FMNL3: variants seen among roughly 807,000 people sequenced by gnomAD.
FMNL3 encodes the protein formin-like protein 3.
Under a neutral mutation model 119.6 loss-of-function variants are expected in FMNL3, and 57 were observed. The ratio of observed to expected loss-of-function variants is 0.48; its 90% CI spans 0.39 to 0.59. The LOEUF (loss-of-function observed/expected upper bound fraction) is 0.59, where lower values mean the gene tolerates loss of function less well. FMNL3 is among the 20% of genes least tolerant of loss of function. FMNL3 has a pLI of 0.00. For missense variants in FMNL3, 1,053 were observed against 1,323.5 expected, an observed-to-expected ratio of 0.80 and a Z score of 3.17; for synonymous variants, 491 against 507.3, an observed-to-expected ratio of 0.97 and a Z score of 0.43.
At chr12:49,700,391 CAAAAAAA>C (rs11456820) in intron 1 of FMNL3, among the ~76,000 whole-genome samples, 79 of 56,446 alleles carry the variant, frequency 1.4e-3, no homozygotes, top group Admixed American at 3.0e-3. Flanking sequence ...GAATCCGTCT[CAAAAAAA>C]AAAAAAAAAA....
In FMNL3 at chr12:49,644,000, A is replaced by G; in HGVS notation, c.*1815T>C. On this transcript the variant is annotated 3_prime_UTR_variant, in exon 26 of 26. Coordinates refer to ENST00000335154, the MANE Select transcript of FMNL3 (RefSeq NM_175736.5). Reference sequence around the variant, plus strand: ...TCCCCAGGCTTTGGAATCAAGAAGGAGAAGGTGAGGGGCAGGGGCCCTAGG... The same window carrying G: ...TCCCCAGGCTTTGGAATCAAGAAGGGGAAGGTGAGGGGCAGGGGCCCTAGG... 6.2e-7 allele frequency: 1 copy of G among 1,614,146 alleles called. No individual in the cohort carries two copies. Among genetic ancestry groups the G allele is most frequent in the Non-Finnish European group, 8.5e-7 (1 of 1,180,010 alleles).
At chr12:49,654,363 A>T in intron 10 of FMNL3, 61 bp from the exon 11 acceptor site, 1 of 1,385,342 alleles carries the variant, frequency 7.2e-7, no homozygotes. Flanking sequence ...GCAAGAGACC[A>T]GGAGGATAGG....
At position 49,644,173 on chromosome 12, in the gene FMNL3, A is replaced by G. The variant is rs200466876; in HGVS notation, c.*1642T>C. 2.8e-5 allele frequency: 45 copies of G among 1,614,130 alleles called. No individual in the cohort carries two copies. The highest frequency in any genetic ancestry group is 2.5e-5 in the Non-Finnish European group (29 of 1,180,040). ...AGGCGGCGGCGGACACTCCTACAGCAGCTGGATGATCACCAGTGACCCAAT... is the reference window on the plus strand; with the variant it reads ...AGGCGGCGGCGGACACTCCTACAGCGGCTGGATGATCACCAGTGACCCAAT... On this transcript the variant is annotated 3_prime_UTR_variant, in exon 26 of 26. Transcript: ENST00000335154.
At chr12:49,648,168 C>G in intron 22 of FMNL3, 25 bp downstream of exon 22, 1 of 1,602,326 alleles carries the variant, frequency 6.2e-7, no homozygotes. Flanking sequence ...CCTGGTTGCT[C>G]CCACCGCCTG....
At chr12:49,686,576 TC>T (rs1383460603) in intron 1 of FMNL3, among the ~76,000 whole-genome samples, 6 of 83,320 alleles carry the variant, frequency 7.2e-5, no homozygotes, top group African/African-American at 3.7e-4. Context: ...AGACTTCATC[TC>T]CAAAAAAAAA....
chr12:49,683,236 G>A (rs1385605395), intron 1 of FMNL3, among the ~76,000 whole-genome samples: 1 of 152,148 alleles, frequency 6.6e-6, no homozygotes, highest in Admixed American at 6.5e-5. Context: ...TCTCAAATAT[G>A]TATTTCTATC....
rs1323796166 is a variant in FMNL3, at chr12:49,639,526, C to G, written c.*6289G>C. On this transcript the variant is annotated 3_prime_UTR_variant, in exon 26 of 26. Transcript: ENST00000335154. ...GCTCCAGCTGTTCTTCTGAGACACT[C>G]TGGGTTTCTATGTAGGTGCCTTGAG... 3 of 152,210 alleles carry G rather than the reference C, an allele frequency of 2.0e-5. No individual in the cohort carries two copies. Among genetic ancestry groups the G allele is most frequent in the African/African-American group, 7.2e-5 (3 of 41,420 alleles). The allele number at this position is 152,210 out of a possible 1,614,324, so 9.4% of individuals were successfully genotyped here. A position where few individuals can be genotyped will look rare whatever the true frequency, so the allele number is the denominator to read the frequency against.
Position 49,654,202 on chromosome 12 carries a change from T to C in FMNL3, c.1061A>G (p.Glu354Gly). 6.2e-7 allele frequency: 1 copy of C among 1,613,922 alleles called. No individual in the cohort carries two copies. The highest frequency in any genetic ancestry group is 8.5e-7 in the Non-Finnish European group (1 of 1,179,890). ...QYEFTKLGLE[E>G]FLQKSRHTES... ...CCCCAGCCAGCTCACCTGCAGGAAC[T>C]CCTCTAGCCCCAGCTTGGTAAACTC... Residue 354 changes from glutamate (E) to glycine (G), a missense_variant, in exon 11 of 26, where the codon GAG (glutamate) becomes GGG (glycine). Transcript: ENST00000335154.
At position 49,707,224 on chromosome 12, in the gene FMNL3, C is replaced by T; in HGVS notation, c.-44G>A. ...GGGGCCTCGGCCCCCCACCTCCACGCTCCGGAGCTTTCGGCTCCGCGGCTC... is the reference window on the plus strand; with the variant it reads ...GGGGCCTCGGCCCCCCACCTCCACGTTCCGGAGCTTTCGGCTCCGCGGCTC... On this transcript the variant is annotated 5_prime_UTR_variant, in exon 1 of 26. Coordinates refer to ENST00000335154, the MANE Select transcript of FMNL3 (RefSeq NM_175736.5). The T allele has an allele frequency of 6.9e-7, 1 of 1,444,682 alleles. No individual in the cohort carries two copies. The highest frequency in any genetic ancestry group is 9.1e-7 in the Non-Finnish European group (1 of 1,103,086). 89.5% of individuals were successfully genotyped at this position (1,444,682 alleles called of 1,614,324 possible). A position where few individuals can be genotyped will look rare whatever the true frequency, so the allele number is the denominator to read the frequency against.
chr12:49,646,592 A>G, intron 25 of FMNL3: 5 of 1,397,814 alleles, frequency 3.6e-6, no homozygotes, highest in Middle Eastern at 2.0e-4. Flanking sequence ...CCCAGCAGGA[A>G]TCCTGGGAGA....
Position 49,647,237 on chromosome 12 carries a change from C to T in FMNL3, c.2871+39G>A, listed in dbSNP as rs563435675. On this transcript the variant is annotated intron_variant, in intron 24 of 25. Coordinates refer to ENST00000335154, the MANE Select transcript of FMNL3 (RefSeq NM_175736.5). This position sits in a 1 kb window ranked among gnomAD's most constrained non-coding sequence, Gnocchi z 4.9. ...TGACCCCCAGCCCCCACTCTTTTGC[C>T]TTGTCGTCCTCCAGGCCCCAGCTCT... 3.1e-5 allele frequency: 50 copies of T among 1,611,224 alleles called. No homozygotes were observed. In the East Asian group the frequency reaches 1.0e-3, roughly 34 times the overall value.
At chr12:49,656,373 AC>A in intron 9 of FMNL3, 30 bp downstream of exon 9, 1 of 1,585,818 alleles carries the variant, frequency 6.3e-7, no homozygotes, top group Non-Finnish European at 8.6e-7. Flanking sequence ...CCGCAAACAC[AC>A]ACACACACAC....
intron 10 of FMNL3, 43 bp downstream of exon 10, chr12:49,654,867 C>T (rs1278102262): frequency 1.3e-6 from 2 of 1,584,780 alleles, no homozygotes; most frequent in Non-Finnish European, 1.7e-6. Flanking sequence ...AACACACACA[C>T]AGCCCTGGTG....
intron 1 of FMNL3, among the ~76,000 whole-genome samples, chr12:49,680,030 T>A (rs1944295992): frequency 6.6e-6 from 1 of 152,240 alleles, no homozygotes; most frequent in Non-Finnish European, 1.5e-5. Flanking sequence ...TTTATATTAT[T>A]TCCTGAACTA....
chr12:49,704,351 A>G (rs1944985801), intron 1 of FMNL3, among the ~76,000 whole-genome samples: 1 of 152,328 alleles, frequency 6.6e-6, no homozygotes, highest in Non-Finnish European at 1.5e-5. Context: ...AATGAAGCTG[A>G]CAATCTAGGA....
In FMNL3 at chr12:49,642,887, A is replaced by G; in HGVS notation, c.*2928T>C. The G allele has an allele frequency of 6.3e-7, 1 of 1,579,614 alleles. No homozygotes were observed. Among genetic ancestry groups the G allele is most frequent in the Non-Finnish European group, 8.6e-7 (1 of 1,158,538 alleles). Reference sequence around the variant, plus strand: ...AGGAAGTAGGATCCTTCCTGGGGCTAAGTCTGGTGCTGTCCTCACCCTTCT... The same window carrying G: ...AGGAAGTAGGATCCTTCCTGGGGCTGAGTCTGGTGCTGTCCTCACCCTTCT... On this transcript the variant is annotated 3_prime_UTR_variant, in exon 26 of 26. Coordinates refer to ENST00000335154, the MANE Select transcript of FMNL3 (RefSeq NM_175736.5). The surrounding 1 kb of genome is among the most constrained non-coding windows in gnomAD (Gnocchi z 5.8).
intron 5 of FMNL3, among the ~76,000 whole-genome samples, chr12:49,660,787 G>A (rs191162499): frequency 1.3e-4 from 20 of 152,314 alleles, no homozygotes; most frequent in African/African-American, 4.1e-4. Flanking sequence ...GTGAAACCCC[G>A]TCCCTACTAA....
intron 1 of FMNL3, among the ~76,000 whole-genome samples, chr12:49,672,757 G>T (rs1944080105): frequency 6.6e-6 from 1 of 152,200 alleles, no homozygotes; most frequent in South Asian, 2.1e-4. Context: ...TGCCGGTAGG[G>T]TTTGGAGTTT....
chr12:49,646,786 C>A (rs1400250155), intron 25 of FMNL3, 100 bp downstream of exon 25: 1 of 1,605,136 alleles, frequency 6.2e-7, no homozygotes, highest in South Asian at 1.1e-5. Context: ...AGTGGTCAGG[C>A]CTCATGGGGG....
Sources: gnomAD v4.1 joint callset for allele counts (sites outside exome capture counted in the v4.1 genomes callset) on GRCh38, gnomAD v4.1.1 for gene constraint, Gnocchi (gnomAD v3.1) non-coding constraint, MANE v1.5 for transcripts, NCBI Gene and HGNC (gene_info 2026-07-23, HGNC 2026-07-21) for gene names.